Variants in ZBTB17 observed in about 807,000 individuals in gnomAD.
ZBTB17 encodes the protein zinc finger and BTB domain-containing protein 17.
In ZBTB17, 24 loss-of-function variants were observed where a neutral mutation model predicts 85.1. The observed-to-expected ratio is 0.28, with a 90% confidence interval of 0.20 to 0.40. ZBTB17 has a LOEUF of 0.40. Ranked by LOEUF, ZBTB17 falls within the 10% of genes least tolerant of loss-of-function variation. The pLI, the probability that ZBTB17 is intolerant of heterozygous loss-of-function variation, is 1.00. For synonymous variants in ZBTB17, 464 were observed against 460.2 expected, an observed-to-expected ratio of 1.01 and a Z score of -0.11; for missense variants, 743 against 1,105.1, an observed-to-expected ratio of 0.67 and a Z score of 4.65.
rs775942335 is a variant in ZBTB17 at position 15,943,681 on chromosome 1, C to T, written c.1494G>A (p.Gly498=). 1 of 1,613,300 alleles carries T rather than the reference C, an allele frequency of 6.2e-7. No individual in the cohort carries two copies. The highest frequency in any genetic ancestry group is 2.2e-5 in the East Asian group (1 of 44,872). ...NLKRHLRIHS[G]EKPYVCIHCQ... ...AGTGGATGCACACGTAGGGCTTCTCCCCGCTGTGGATCCGAAGGTGCCGCT... is the reference window on the plus strand; with the variant it reads ...AGTGGATGCACACGTAGGGCTTCTCTCCGCTGTGGATCCGAAGGTGCCGCT... The change falls in exon 11 of 16, where the codon GGG becomes GGA. Residue 498 remains glycine (G), a synonymous_variant. Transcript: ENST00000375743.
At chr1:15,961,701 C>T (rs952457184) in intron 2 of ZBTB17, among the ~76,000 whole-genome samples, 3 of 152,186 alleles carry the variant, frequency 2.0e-5, no homozygotes, top group East Asian at 3.8e-4. Flanking sequence ...ATCAGCAAAG[C>T]TGCTCCCACC....
chr1:15,955,444 G>A (rs551212673), intron 2 of ZBTB17, among the ~76,000 whole-genome samples: 15 of 152,102 alleles, frequency 9.9e-5, no homozygotes, highest in African/African-American at 2.4e-4. Flanking sequence ...GGCTCCTCCC[G>A]ACAACCTGAT....
chr1:15,942,418 C>T lies in ZBTB17; in HGVS notation c.2041G>A (p.Val681Met). ...GCTGTCACTGCAGCTCCCACCGGCA[C>T]CACTGCGGGCAGAGTCGCAGGGCCT... ...AATAVTQLTV[V>M]PVGAAVTADE... Residue 681 changes from valine (V) to methionine (M), a missense_variant and splice_region_variant, in exon 15 of 16, where the codon GTG becomes ATG. Val to Met is a conservative substitution (Grantham distance 21). Transcript: ENST00000375743. The T allele has an allele frequency of 6.2e-7, 1 of 1,613,358 alleles. No homozygotes were observed. The highest frequency in any genetic ancestry group is 8.5e-7 in the Non-Finnish European group (1 of 1,179,996).
chr1:15,971,561 CACACACACTATATATATAT>C (rs1557800240), intron 2 of ZBTB17, among the ~76,000 whole-genome samples: 28 of 66,894 alleles, frequency 4.2e-4, no homozygotes, highest in East Asian at 2.5e-3. Context: ...TATATATATA[CACACACACTATATATATAT>C]ACACACACAC....
At chr1:15,971,434 C>CTATATGTAT (rs1557799544) in intron 2 of ZBTB17, among the ~76,000 whole-genome samples, 1 of 117,684 alleles carries the variant, frequency 8.5e-6, no homozygotes, top group Non-Finnish European at 1.8e-5. Context: ...TATATACACA[C>CTATATGTAT]ACACTATATA....
intron 2 of ZBTB17, chr1:15,969,889 C>T (rs1014272997): frequency 7.1e-5 from 44 of 619,096 alleles, no homozygotes; most frequent in African/African-American, 5.6e-4. Flanking sequence ...CTTAGACAGA[C>T]GGAGGCAGCT....
At chr1:15,963,569 T>C (rs2072332554) in intron 2 of ZBTB17, among the ~76,000 whole-genome samples, 1 of 152,136 alleles carries the variant, frequency 6.6e-6, no homozygotes, top group Non-Finnish European at 1.5e-5. Flanking sequence ...ATACAGAAAC[T>C]GCCTATATCA....
chr1:15,968,511 T>C (rs1211757044), intron 2 of ZBTB17, among the ~76,000 whole-genome samples: 1 of 152,258 alleles, frequency 6.6e-6, no homozygotes, highest in African/African-American at 2.4e-5. Flanking sequence ...AAAAACAGGA[T>C]GCTAAGAAGT....
In ZBTB17 at chr1:15,953,499, CT is replaced by C. The variant is rs1367794156; in HGVS notation, c.-2-5003del. 6.6e-6 allele frequency among the ~76,000 whole-genome samples: 1 copy of C among 152,226 alleles called. No individual in the cohort carries two copies. The highest frequency in any genetic ancestry group is 1.5e-5 in the Non-Finnish European group (1 of 68,032). On this transcript the variant is annotated intron_variant, in intron 2 of 15. Coordinates refer to ENST00000375743, the MANE Select transcript of ZBTB17 (RefSeq NM_003443.3). The surrounding 1 kb of genome is among the most constrained non-coding windows in gnomAD (Gnocchi z 5.1). ...GGAGCTAAGAGAGCCGCCAAGGCTC[CT>C]GCGGGTGGGATTTGGAAGGGCTGGC...
chr1:15,967,868 G>C (rs1239945210), intron 2 of ZBTB17, among the ~76,000 whole-genome samples: 2 of 152,234 alleles, frequency 1.3e-5, no homozygotes, highest in Non-Finnish European at 1.5e-5. Context: ...ATTATAAGAA[G>C]CAAACATAAG....
At chr1:15,958,192 G>T (rs913402813) in intron 2 of ZBTB17, among the ~76,000 whole-genome samples, 3 of 152,198 alleles carry the variant, frequency 2.0e-5, no homozygotes, top group African/African-American at 7.2e-5. Context: ...ATTGGCAAAA[G>T]TAGAACTAGA....
At position 15,945,833 on chromosome 1, in the gene ZBTB17, C is replaced by T. The variant is rs963996388; in HGVS notation, c.543G>A (p.Glu181=). ...GQAQSAASGA[E]QTEKADAPRE... is the part of the protein sequence containing the mutation. Reference sequence around the variant, plus strand: ...GGGGCGCATCGGCTTTCTCTGTCTGCTCTGCACCTGGGTGGGGGAAGCACC... The same window carrying T: ...GGGGCGCATCGGCTTTCTCTGTCTGTTCTGCACCTGGGTGGGGGAAGCACC... The change falls in exon 6 of 16, where the codon GAG becomes GAA. Residue 181 remains glutamate (E), a synonymous_variant. Transcript: ENST00000375743. 1 of 1,596,088 alleles carries T rather than the reference C, an allele frequency of 6.3e-7. No homozygotes were observed. The highest frequency in any genetic ancestry group is 8.5e-7 in the Non-Finnish European group (1 of 1,175,406).
In ZBTB17 at chr1:15,951,253, G is replaced by A. The variant is rs899180454; in HGVS notation, c.-2-2756C>T. The stretch of plus-strand genomic sequence containing the variant: ...GAAAACAGGAGAAATGATAAGAAGG[G>A]GGGAGGAAGAAGTGAAGATGGGCAA... On this transcript the variant is annotated intron_variant, in intron 2 of 15. Coordinates refer to ENST00000375743, the MANE Select transcript of ZBTB17 (RefSeq NM_003443.3). This position sits in a 1 kb window ranked among gnomAD's most constrained non-coding sequence, Gnocchi z 4.1. 2.0e-5 allele frequency among the ~76,000 whole-genome samples: 3 copies of A among 151,632 alleles called. No homozygotes were observed. The highest frequency in any genetic ancestry group is 2.0e-4 in the Admixed American group (3 of 15,240).
intron 2 of ZBTB17, among the ~76,000 whole-genome samples, chr1:15,970,370 G>A (rs200337994): frequency 4.8e-5 from 7 of 146,780 alleles, no homozygotes; most frequent in Non-Finnish European, 6.0e-5. Context: ...ACTTAAAGAA[G>A]AAAAAAAAAA....
rs1452122679 is a variant in ZBTB17 at position 15,944,512 on chromosome 1, C to T, written c.1159G>A (p.Glu387Lys). The part of the protein sequence containing the change: ...LNLHKKRHSG[E>K]ARYRCEDCGK... The stretch of plus-strand genomic sequence containing the variant: ...CAGTCCTCGCAGCGGTAGCGCGCCT[C>T]GCCCGAGTGCCGCTTCTTGTGCAGG... Residue 387 changes from glutamate to lysine, a missense_variant, in exon 9 of 16, where the codon GAG becomes AAG. Transcript: ENST00000375743. 3 of 1,585,904 alleles carry T rather than the reference C, an allele frequency of 1.9e-6. No individual in the cohort carries two copies. The highest frequency in any genetic ancestry group is 2.6e-6 in the Non-Finnish European group (3 of 1,170,096).
intron 2 of ZBTB17, among the ~76,000 whole-genome samples, chr1:15,950,458 G>A (rs1463019926): frequency 1.3e-5 from 2 of 152,228 alleles, no homozygotes; most frequent in Non-Finnish European, 2.9e-5. Context: ...GGTCACGTGA[G>A]CACACAGGTG....
rs376262353 is a variant in ZBTB17, at chr1:15,954,921, G to A, written c.-2-6424C>T. On this transcript the variant is annotated intron_variant, in intron 2 of 15. Coordinates refer to ENST00000375743, the MANE Select transcript of ZBTB17 (RefSeq NM_003443.3). ...TATAATCCCAGCACTTTGGGAGGCC[G>A]AGGCTGGCGGATCACTTGAGGTCAG... Among the ~76,000 whole-genome samples the A allele has an allele frequency of 1.8e-4, 28 of 152,300 alleles. No individual in the cohort carries two copies. In the East Asian group the frequency reaches 2.9e-3, roughly 16 times the overall value.
chr1:15,941,991 T>C lies in ZBTB17; in HGVS notation c.2390A>G (p.Glu797Gly). ...AGCTCACTCGGCAGGCGGGGGACAT[T>C]CAGGAGCTGTAGGGGAGGTCTCTGC... Reference protein sequence around the residue: ...ALAETSPTAPECPPPAE With the variant: ...ALAETSPTAPGCPPPAE The change falls in exon 16 of 16, where the codon GAA (glutamate) becomes GGA (glycine). Residue 797 changes from glutamate (E) to glycine (G), a missense_variant. This residue lies in a region of ZBTB17 where 69 missense variants were observed against 77.0 expected (regional missense o/e 0.90). Transcript: ENST00000375743. 1.3e-6 allele frequency: 2 copies of C among 1,599,884 alleles called. No individual in the cohort carries two copies. Among genetic ancestry groups the C allele is most frequent in the Non-Finnish European group, 1.7e-6 (2 of 1,176,480 alleles).
At chr1:15,971,491 CTATATATATATA>C (rs2072671970) in intron 2 of ZBTB17, among the ~76,000 whole-genome samples, 1 of 34,668 alleles carries the variant, frequency 2.9e-5, no homozygotes, top group Non-Finnish European at 6.3e-5. Context: ...TATACACACA[CTATATATATATA>C]CACACACACT....
Sources: gnomAD v4.1 joint callset for allele counts (sites outside exome capture counted in the v4.1 genomes callset) on GRCh38, gnomAD v4.1.1 for gene constraint, gnomAD v4.1.1 regional missense constraint, Gnocchi (gnomAD v3.1) non-coding constraint, MANE v1.5 for transcripts, NCBI Gene and HGNC (gene_info 2026-07-23, HGNC 2026-07-21) for gene names.